The following KLHL14 variants were observed in gnomAD, a reference collection of about 807,000 sequenced individuals.
KLHL14 encodes kelch like family member 14.
KLHL14 carries 22 observed loss-of-function variants against 64.3 expected under a neutral mutation model. The observed-to-expected ratio is 0.34, with a 90% CI of 0.24 to 0.49. The LOEUF is 0.49. KLHL14 is among the 20% of genes least tolerant of loss of function. KLHL14 has a pLI of 0.99. For synonymous variants in KLHL14, 322 were observed against 333.4 expected, an observed-to-expected ratio of 0.97 and a Z score of 0.37; for missense variants, 661 against 789.0, an observed-to-expected ratio of 0.84 and a Z score of 1.94.
At chr18:32,730,778 G>A (rs1430155678) in intron 3 of KLHL14, among the ~76,000 whole-genome samples, 1 of 152,126 alleles carries the variant, frequency 6.6e-6, no homozygotes, top group African/African-American at 2.4e-5. Context: ...GGAACATTAT[G>A]GTCTTCGAAA....
intron 3 of KLHL14, among the ~76,000 whole-genome samples, chr18:32,705,538 C>T (rs1488862824): frequency 6.6e-6 from 1 of 151,994 alleles, no homozygotes; most frequent in Non-Finnish European, 1.5e-5. Flanking sequence ...GCCTGGCCAA[C>T]ATGTTGGAAT....
At chr18:32,693,999 T>C (rs1309690913) in intron 4 of KLHL14, among the ~76,000 whole-genome samples, 2 of 152,070 alleles carry the variant, frequency 1.3e-5, no homozygotes, top group Non-Finnish European at 2.9e-5. Flanking sequence ...TTTTGTTTTT[T>C]TGCATATGCC....
intron 3 of KLHL14, among the ~76,000 whole-genome samples, chr18:32,700,083 T>C (rs1161098940): frequency 6.6e-6 from 1 of 152,170 alleles, no homozygotes; most frequent in Non-Finnish European, 1.5e-5. Context: ...CACACTACTG[T>C]GTCTCCTCCC....
intron 2 of KLHL14, among the ~76,000 whole-genome samples, chr18:32,761,161 A>C (rs1273401077): frequency 6.6e-6 from 1 of 152,108 alleles, no homozygotes; most frequent in African/African-American, 2.4e-5. Flanking sequence ...TTATTAACCC[A>C]TTTTACTGCT....
At chr18:32,742,171 G>T in intron 2 of KLHL14, 122 bp from the exon 3 acceptor site, 1 of 1,176,878 alleles carries the variant, frequency 8.5e-7, no homozygotes, top group Non-Finnish European at 1.2e-6. Flanking sequence ...ATTTTTTCCT[G>T]TTTCTTCCCC....
chr18:32,736,876 C>T (rs1015286144), intron 3 of KLHL14, among the ~76,000 whole-genome samples: 2 of 152,008 alleles, frequency 1.3e-5, no homozygotes, highest in African/African-American at 4.8e-5. Flanking sequence ...TTTAGGGGCT[C>T]ATTTTTGTGT....
chr18:32,726,168 G>GTT (rs2050107208), intron 3 of KLHL14, among the ~76,000 whole-genome samples: 1 of 152,224 alleles, frequency 6.6e-6, no homozygotes, highest in South Asian at 2.1e-4. Context: ...ACACAGCCAT[G>GTT]CTTATTTACT....
At position 32,770,319 on chromosome 18, in the gene KLHL14, C is replaced by A; in HGVS notation, c.273G>T (p.Gln91His). Reference sequence around the variant, plus strand: ...GCGGCGGCTGCTGCTGCTGTGACGGCTGCTGCTGCGGCGGCTGCTGCTGGT... The same window carrying A: ...GCGGCGGCTGCTGCTGCTGTGACGGATGCTGCTGCGGCGGCTGCTGCTGGT... ...PKDQQQPPQQ[Q>H]PSQQQQPPPQ... Residue 91 changes from glutamine to histidine, a missense_variant, in exon 2 of 9, where the codon CAG (glutamine) becomes CAT (histidine). Transcript: ENST00000359358. This position sits in a 1 kb window ranked among gnomAD's most constrained non-coding sequence, Gnocchi z 6.7. 1 of 1,586,186 alleles carries A rather than the reference C, an allele frequency of 6.3e-7. No homozygotes were observed. Among genetic ancestry groups the A allele is most frequent in the South Asian group, 1.2e-5 (1 of 85,656 alleles).
chr18:32,715,148 G>C (rs922333345), intron 3 of KLHL14, among the ~76,000 whole-genome samples: 7 of 152,014 alleles, frequency 4.6e-5, no homozygotes, highest in African/African-American at 1.7e-4. Flanking sequence ...TTTAAAAATA[G>C]GTCAGATTTT....
chr18:32,673,087 T>A lies in KLHL14; in HGVS notation c.*1570A>T, dbSNP rs1256851306. On this transcript the variant is annotated 3_prime_UTR_variant, in exon 9 of 9. Transcript: ENST00000359358. ...GACAGTTGATTGCACTGGATATACA[T>A]ATATTTATATATATATATTTTTACA... The A allele has an allele frequency of 2.0e-5, 3 of 152,482 alleles. No individual in the cohort carries two copies. Among genetic ancestry groups the A allele is most frequent in the Non-Finnish European group, 4.4e-5 (3 of 68,000 alleles). 9.4% of individuals were successfully genotyped at this position (152,482 alleles called of 1,614,324 possible). A position where few individuals can be genotyped will look rare whatever the true frequency, so the allele number is the denominator to read the frequency against.
rs547229447 is a variant in KLHL14, at chr18:32,707,370, A to G, written c.1070-11818T>C. Among the ~76,000 whole-genome samples, 16 of 152,336 alleles carry G rather than the reference A, an allele frequency of 1.1e-4. No homozygotes were observed. The South Asian group carries it at 3.1e-3, about 30-fold the overall frequency. The stretch of plus-strand genomic sequence containing the variant: ...GGGCAGGCCAGCCTGGCTCACTCTC[A>G]TGTTAACACAGGTGTGCAGGAAAGA... On this transcript the variant is annotated intron_variant, in intron 3 of 8. Transcript: ENST00000359358.
rs1319043975 is a variant in KLHL14 at position 32,770,963 on chromosome 18, T to A, written c.-43-329A>T. On this transcript the variant is annotated intron_variant, in intron 1 of 8. Transcript: ENST00000359358. The surrounding 1 kb of genome is among the most constrained non-coding windows in gnomAD (Gnocchi z 6.7). ...GCTCGGCTGTTGGCAGCAACAGCAGTGGCAGCAGCGACGGCAAAGTGGCGG... is the reference window on the plus strand; with the variant it reads ...GCTCGGCTGTTGGCAGCAACAGCAGAGGCAGCAGCGACGGCAAAGTGGCGG... 3 of 438,098 alleles carry A rather than the reference T, an allele frequency of 6.8e-6. No homozygotes were observed. Among genetic ancestry groups the A allele is most frequent in the South Asian group, 5.0e-5 (3 of 60,142 alleles). The allele number at this position is 438,098 out of a possible 1,614,324, so 27.1% of individuals were successfully genotyped here. A position where few individuals can be genotyped will look rare whatever the true frequency, so the allele number is the denominator to read the frequency against.
At chr18:32,765,623 T>C (rs1050293221) in intron 2 of KLHL14, among the ~76,000 whole-genome samples, 2 of 152,198 alleles carry the variant, frequency 1.3e-5, no homozygotes, top group African/African-American at 4.8e-5. Flanking sequence ...AATGCATGGA[T>C]ACAAGTTTAG....
chr18:32,716,458 A>G (rs1164339467), intron 3 of KLHL14, among the ~76,000 whole-genome samples: 1 of 151,144 alleles, frequency 6.6e-6, no homozygotes, highest in Non-Finnish European at 1.5e-5. Flanking sequence ...CTTGTCGCCC[A>G]GGCTGGAGTG....
At chr18:32,693,413 C>CACACACACACACACAGAGAGAG (rs1229737083) in intron 4 of KLHL14, among the ~76,000 whole-genome samples, 66 of 97,018 alleles carry the variant, frequency 6.8e-4, no homozygotes, top group African/African-American at 3.0e-3. Flanking sequence ...CACACACACA[C>CACACACACACACACAGAGAGAG]AGAGAGAGAG....
At chr18:32,688,825 T>C (rs3848486) in intron 4 of KLHL14, among the ~76,000 whole-genome samples, 49,874 of 151,892 alleles carry the variant, frequency 0.33, 9,503 homozygotes, top group African/African-American at 0.53. Flanking sequence ...GAGTAGACTA[T>C]AGGAGGGCCA....
intron 3 of KLHL14, among the ~76,000 whole-genome samples, chr18:32,741,200 T>C (rs2050195273): frequency 6.6e-6 from 1 of 152,214 alleles, no homozygotes; most frequent in African/African-American, 2.4e-5. Flanking sequence ...AGGGGACTGG[T>C]GCACACAGCC....
intron 2 of KLHL14, among the ~76,000 whole-genome samples, chr18:32,752,301 G>T (rs534652645): frequency 1.3e-5 from 2 of 152,062 alleles, no homozygotes; most frequent in African/African-American, 2.4e-5. Flanking sequence ...TTCAGTCAGT[G>T]GGGTGGAGGT....
rs931635743 is a variant in KLHL14 at position 32,673,454 on chromosome 18, A to C, written c.*1203T>G. ...GGCCACATTGAGACTATCTCATGCT[A>C]TCCTGACCTTCTGCTCCTGAATTCC... On this transcript the variant is annotated 3_prime_UTR_variant, in exon 9 of 9. Coordinates refer to ENST00000359358, the MANE Select transcript of KLHL14 (RefSeq NM_020805.3). 1.3e-5 allele frequency: 2 copies of C among 152,184 alleles called. No individual in the cohort carries two copies. The highest frequency in any genetic ancestry group is 2.4e-5 in the African/African-American group (1 of 41,444). 9.4% of individuals were successfully genotyped at this position (152,184 alleles called of 1,614,324 possible).
Sources: gnomAD v4.1 joint callset for allele counts (sites outside exome capture counted in the v4.1 genomes callset) on GRCh38, gnomAD v4.1.1 for gene constraint, Gnocchi (gnomAD v3.1) non-coding constraint, MANE v1.5 for transcripts, NCBI Gene and HGNC (gene_info 2026-07-23, HGNC 2026-07-21) for gene names.